Variants in KLHL22 observed in about 807,000 individuals in gnomAD.
The protein encoded by KLHL22 is kelch like family member 22.
KLHL22 carries 18 observed loss-of-function variants against 60.7 expected under a neutral mutation model. The observed-to-expected ratio is 0.30, with a 90% CI of 0.20 to 0.44. KLHL22 has a LOEUF of 0.44. KLHL22 is among the 20% of genes least tolerant of loss of function. KLHL22 has a pLI of 1.00. For synonymous variants in KLHL22, 355 were observed against 354.5 expected, an observed-to-expected ratio of 1.00 and a Z score of -0.01; for missense variants, 596 against 852.3, an observed-to-expected ratio of 0.70 and a Z score of 3.74.
At chr22:20,475,652 C>G (rs1286629684) in intron 2 of KLHL22, among the ~76,000 whole-genome samples, 1 of 151,986 alleles carries the variant, frequency 6.6e-6, no homozygotes, top group Non-Finnish European at 1.5e-5. Flanking sequence ...ACCTCCACTT[C>G]CCGGGTTCAG....
At chr22:20,479,120 T>C (rs989022845) in intron 2 of KLHL22, among the ~76,000 whole-genome samples, 5 of 151,032 alleles carry the variant, frequency 3.3e-5, no homozygotes, top group Admixed American at 3.3e-4. Context: ...CAGAGTGAGA[T>C]TCTGTCTCAA....
intron 2 of KLHL22, among the ~76,000 whole-genome samples, chr22:20,478,606 C>CCAGGTT (rs1436246208): frequency 6.7e-6 from 1 of 148,344 alleles, no homozygotes; most frequent in East Asian, 2.0e-4. Flanking sequence ...GCTCCGCCTC[C>CCAGGTT]CAGGTTCACG....
At chr22:20,489,585 G>A (rs2053648918) in intron 1 of KLHL22, among the ~76,000 whole-genome samples, 1 of 152,066 alleles carries the variant, frequency 6.6e-6, no homozygotes, top group Non-Finnish European at 1.5e-5. Context: ...ACTGAGCCTC[G>A]AGCTCCCCAA....
At chr22:20,482,407 CA>C (rs1243227235) in intron 2 of KLHL22, among the ~76,000 whole-genome samples, 1 of 151,572 alleles carries the variant, frequency 6.6e-6, no homozygotes, top group Non-Finnish European at 1.5e-5. Flanking sequence ...TTTTTTGAGA[CA>C]AGGTCTTGCT....
intron 2 of KLHL22, among the ~76,000 whole-genome samples, chr22:20,478,508 C>CTTTTTTTT (rs1196419660): frequency 1.8e-4 from 12 of 67,680 alleles, no homozygotes; most frequent in East Asian, 6.2e-4. Context: ...AAACTTAATT[C>CTTTTTTTT]TTTTTTTTTT....
At chr22:20,494,175 A>AG (rs1164052491) in intron 1 of KLHL22, among the ~76,000 whole-genome samples, 1 of 151,094 alleles carries the variant, frequency 6.6e-6, no homozygotes, top group Non-Finnish European at 1.5e-5. Context: ...GTTCAAGACC[A>AG]CCTTGGGCAA....
chr22:20,478,758 C>T (rs1413150128), intron 2 of KLHL22, among the ~76,000 whole-genome samples: 1 of 148,932 alleles, frequency 6.7e-6, no homozygotes, highest in African/African-American at 2.4e-5. Context: ...TCGTGATCCT[C>T]CCGCCTCGGC....
At chr22:20,488,714 AGAAAAGAAAAGAGAGAGAAAAG>A (rs1601393051) in intron 2 of KLHL22, 5 of 416,114 alleles carry the variant, frequency 1.2e-5, no homozygotes, top group South Asian at 1.1e-4. Context: ...GAAAGAAAAG[AGAAAAGAAAAGAGAGAGAAAAG>A]GAAAAGAAAA....
intron 5 of KLHL22, 46 bp downstream of exon 5, chr22:20,457,762 G>A: frequency 6.8e-7 from 1 of 1,466,526 alleles, no homozygotes; most frequent in Non-Finnish European, 9.3e-7. Context: ...ACATCCTGGG[G>A]AAGGAAATTA....
chr22:20,465,778 A>G lies in KLHL22; in HGVS notation c.394-202T>C, dbSNP rs2053225108. ...GGTTTAAGTCCTGGTTTGGAAACATACTGGGTGACAGGATATACAGCATGT... is the reference window on the plus strand; with the variant it reads ...GGTTTAAGTCCTGGTTTGGAAACATGCTGGGTGACAGGATATACAGCATGT... On this transcript the variant is annotated intron_variant, in intron 3 of 6. Transcript: ENST00000328879. This position sits in a 1 kb window ranked among gnomAD's most constrained non-coding sequence, Gnocchi z 4.9. Among the ~76,000 whole-genome samples the G allele has an allele frequency of 6.6e-6, 1 of 152,036 alleles. No individual in the cohort carries two copies. The highest frequency in any genetic ancestry group is 1.5e-5 in the Non-Finnish European group (1 of 67,996).
chr22:20,481,842 G>C (rs1325050721), intron 2 of KLHL22: 1 of 152,276 alleles, frequency 6.6e-6, no homozygotes, highest in Non-Finnish European at 1.5e-5. Context: ...GGACTGAACT[G>C]ATCTGCCCAC....
At chr22:20,477,754 T>C (rs1307870723) in intron 2 of KLHL22, among the ~76,000 whole-genome samples, 2 of 152,252 alleles carry the variant, frequency 1.3e-5, no homozygotes, top group Admixed American at 6.5e-5. Context: ...CATTTCTTTT[T>C]CATTTTTATG....
At chr22:20,470,181 A>AAAT (rs1390765299) in intron 3 of KLHL22, among the ~76,000 whole-genome samples, 4 of 150,948 alleles carry the variant, frequency 2.6e-5, no homozygotes, top group Non-Finnish European at 4.4e-5. Context: ...CCTATAAAAA[A>AAAT]ATATATATAT....
chr22:20,453,982 T>A (rs2053022624), intron 5 of KLHL22, among the ~76,000 whole-genome samples: 1 of 151,952 alleles, frequency 6.6e-6, no homozygotes, highest in Admixed American at 6.6e-5. Context: ...CGATACACCA[T>A]CCTCGGCCTC....
chr22:20,484,514 T>C (rs1188781070), intron 2 of KLHL22, among the ~76,000 whole-genome samples: 2 of 152,132 alleles, frequency 1.3e-5, no homozygotes, highest in Non-Finnish European at 2.9e-5. Flanking sequence ...ACACTGGTCT[T>C]GAACTCCTGG....
At chr22:20,489,877 G>A in intron 1 of KLHL22, 1 of 454,664 alleles carries the variant, frequency 2.2e-6, no homozygotes, top group Non-Finnish European at 4.6e-6. Context: ...GTCAAGCACA[G>A]TAACTGTGAT....
At chr22:20,488,648 A>C in intron 2 of KLHL22, 2 of 272,368 alleles carry the variant, frequency 7.3e-6, no homozygotes, top group Non-Finnish European at 1.4e-5. Context: ...ATGCATACAC[A>C]GCAATAATTA....
chr22:20,443,997 G>A (rs1245615186), intron 6 of KLHL22, among the ~76,000 whole-genome samples: 1 of 150,382 alleles, frequency 6.6e-6, no homozygotes, highest in Non-Finnish European at 1.5e-5. Flanking sequence ...GTTGCAGTGA[G>A]CTGAGACTGC....
At chr22:20,447,612 G>A (rs1009772259) in intron 5 of KLHL22, among the ~76,000 whole-genome samples, 2 of 146,854 alleles carry the variant, frequency 1.4e-5, no homozygotes, top group African/African-American at 5.0e-5. Flanking sequence ...GCACGATCTC[G>A]GCTCACTGCA....
Sources: gnomAD v4.1 joint callset for allele counts (sites outside exome capture counted in the v4.1 genomes callset) on GRCh38, gnomAD v4.1.1 for gene constraint, Gnocchi (gnomAD v3.1) non-coding constraint, MANE v1.5 for transcripts, NCBI Gene and HGNC (gene_info 2026-07-23, HGNC 2026-07-21) for gene names.